RXFP2: variants seen among roughly 807,000 people sequenced by gnomAD.
RXFP2 encodes the protein relaxin receptor 2.
Under a neutral mutation model 88.6 loss-of-function variants are expected in RXFP2, and 68 were observed. That is an observed-to-expected ratio of 0.77 (90% CI 0.63 to 0.94). The LOEUF (loss-of-function observed/expected upper bound fraction) is 0.94. RXFP2 is among the 40% of genes least tolerant of loss of function. The pLI is 0.00. For synonymous variants in RXFP2, 329 were observed against 306.8 expected, an observed-to-expected ratio of 1.07 and a Z score of -0.76; for missense variants, 791 against 893.9, an observed-to-expected ratio of 0.88 and a Z score of 1.47.
intron 5 of RXFP2, among the ~76,000 whole-genome samples, chr13:31,768,683 G>A (rs879482131): frequency 1.4e-4 from 22 of 152,160 alleles, no homozygotes; most frequent in African/African-American, 4.6e-4. Flanking sequence ...AATAACTCAA[G>A]TTCTTTATAC....
intron 2 of RXFP2, among the ~76,000 whole-genome samples, chr13:31,759,030 A>T (rs1872118001): frequency 6.7e-6 from 1 of 150,352 alleles, no homozygotes; most frequent in Admixed American, 6.6e-5. Context: ...CTGGGTAACA[A>T]GAGCAAAACT....
chr13:31,771,567 G>A (rs1872735638), intron 5 of RXFP2, among the ~76,000 whole-genome samples: 1 of 152,104 alleles, frequency 6.6e-6, no homozygotes, highest in Non-Finnish European at 1.5e-5. Context: ...GAGGCAGGTG[G>A]ATCTGTTGAG....
chr13:31,795,167 T>TG (rs1289655058), intron 16 of RXFP2, among the ~76,000 whole-genome samples: 1 of 151,858 alleles, frequency 6.6e-6, no homozygotes, highest in African/African-American at 2.4e-5. Context: ...TTTTTTTTTT[T>TG]GAGACAGAGT....
chr13:31,772,618 A>C (rs1326992862), intron 5 of RXFP2, among the ~76,000 whole-genome samples: 1 of 152,216 alleles, frequency 6.6e-6, no homozygotes, highest in African/African-American at 2.4e-5. Context: ...CAGAGACTAG[A>C]GGATGGAGTT....
In RXFP2 at chr13:31,793,093, A is replaced by T; in HGVS notation, c.1786+5A>T. The T allele has an allele frequency of 6.2e-7, 1 of 1,603,890 alleles. No homozygotes were observed. Among genetic ancestry groups the T allele is most frequent in the Non-Finnish European group, 8.5e-7 (1 of 1,172,092 alleles). ...ATTCTCTTGGAATTTTCCTAGGTAA[A>T]TTATATTTTTTCATTTCCTGGAAAA... On this transcript the variant is annotated splice_donor_5th_base_variant and intron_variant, in intron 16 of 17. Transcript: ENST00000298386.
At chr13:31,786,327 T>C in intron 11 of RXFP2, 56 bp from the exon 12 acceptor site, 2 of 1,174,344 alleles carry the variant, frequency 1.7e-6, no homozygotes, top group Non-Finnish European at 2.6e-6. Context: ...TGAGGAGTAA[T>C]AAGTCTGTCA....
rs1566218376 is a variant in RXFP2 at position 31,759,397 on chromosome 13, G to GAAAGAAAGAAAGAA, written c.241+995_241+1008dup. 4.1e-5 allele frequency among the ~76,000 whole-genome samples: 6 copies of GAAAGAAAGAAAGAA among 145,934 alleles called. No homozygotes were observed. The South Asian group carries it at 7.1e-4, about 17-fold the overall frequency. On this transcript the variant is annotated intron_variant, in intron 2 of 17. Coordinates refer to ENST00000298386, the MANE Select transcript of RXFP2 (RefSeq NM_130806.5). Reference sequence around the variant, plus strand: ...ATTGAGAAAGAAAGAAAGAAAGAAAGAAAGAAAGAAAGAAAGAAAGAAAGA... The same window carrying GAAAGAAAGAAAGAA: ...ATTGAGAAAGAAAGAAAGAAAGAAAGAAAGAAAGAAAGAAAAAGAAAGAAAGAAAGAAAGAAAGA...
chr13:31,773,490 G>A (rs1032042891), intron 5 of RXFP2, among the ~76,000 whole-genome samples: 1 of 151,078 alleles, frequency 6.6e-6, no homozygotes, highest in African/African-American at 2.4e-5. Flanking sequence ...AGTTAAATAA[G>A]TGTACTTTAC....
intron 14 of RXFP2, among the ~76,000 whole-genome samples, chr13:31,791,521 T>C (rs1205857166): frequency 1.3e-5 from 2 of 152,156 alleles, no homozygotes; most frequent in African/African-American, 2.4e-5. Context: ...AATAAACCAA[T>C]GTGACCAGGG....
intron 1 of RXFP2, among the ~76,000 whole-genome samples, chr13:31,744,026 C>A (rs1033048767): frequency 6.6e-6 from 1 of 152,196 alleles, no homozygotes; most frequent in Non-Finnish European, 1.5e-5. Flanking sequence ...GCTCCCTCCC[C>A]AGGGGCTTCC....
At chr13:31,780,247 C>T (rs555029322) in intron 9 of RXFP2, among the ~76,000 whole-genome samples, 11 of 152,146 alleles carry the variant, frequency 7.2e-5, no homozygotes, top group Non-Finnish European at 1.6e-4. Context: ...CCTTTCAACA[C>T]AGAGGGTAGG....
chr13:31,761,776 C>G lies in RXFP2; in HGVS notation c.294C>G (p.Asn98Lys), dbSNP rs531281283. 1.2e-6 allele frequency: 2 copies of G among 1,612,782 alleles called. No individual in the cohort carries two copies. The highest frequency in any genetic ancestry group is 1.7e-4 in the Middle Eastern group (1 of 6,054). ...TTGGCACAGTGCATGGAAATGCTAACAGCGTGGCCTTAACACAGGAGTGCT... is the reference window on the plus strand; with the variant it reads ...TTGGCACAGTGCATGGAAATGCTAAGAGCGTGGCCTTAACACAGGAGTGCT... Reference protein sequence around the residue: ...TIFGTVHGNANSVALTQECFL... With the variant: ...TIFGTVHGNAKSVALTQECFL... The change falls in exon 3 of 18, where the codon AAC becomes AAG. Residue 98 changes from asparagine (N) to lysine (K), a missense_variant. By Grantham distance (94) the Asn-to-Lys change is moderately conservative. Coordinates refer to ENST00000298386, the MANE Select transcript of RXFP2 (RefSeq NM_130806.5).
chr13:31,749,865 G>T (rs1871588418), intron 1 of RXFP2, among the ~76,000 whole-genome samples: 1 of 152,026 alleles, frequency 6.6e-6, no homozygotes, highest in Admixed American at 6.5e-5. Flanking sequence ...TACTCTCCTT[G>T]TTTAACTCCA....
chr13:31,789,808 T>G (rs149039688), intron 14 of RXFP2, among the ~76,000 whole-genome samples: 4 of 152,222 alleles, frequency 2.6e-5, no homozygotes. Flanking sequence ...CAATGTAAGA[T>G]TACAAGTTGG....
At chr13:31,759,455 A>C (rs1018682433) in intron 2 of RXFP2, among the ~76,000 whole-genome samples, 3 of 149,820 alleles carry the variant, frequency 2.0e-5, no homozygotes, top group Non-Finnish European at 4.5e-5. Flanking sequence ...GATACTGTGA[A>C]ATATTCTGGA....
At chr13:31,766,443 G>A (rs952836210) in intron 5 of RXFP2, among the ~76,000 whole-genome samples, 5 of 152,100 alleles carry the variant, frequency 3.3e-5, no homozygotes, top group African/African-American at 7.2e-5. Flanking sequence ...AGGGTGTTAG[G>A]AGTGAAAACA....
chr13:31,751,219 G>T (rs767139375), intron 1 of RXFP2, among the ~76,000 whole-genome samples: 1 of 152,146 alleles, frequency 6.6e-6, no homozygotes, highest in Non-Finnish European at 1.5e-5. Flanking sequence ...TTGAACCCTG[G>T]AGGCGGAGGT....
rs1871154169 is a variant in RXFP2 at position 31,739,796 on chromosome 13, G to T, written c.94+90G>T. 7.1e-6 allele frequency: 6 copies of T among 848,810 alleles called. No homozygotes were observed. The South Asian group carries it at 8.4e-5, about 12-fold the overall frequency. 52.6% of individuals were successfully genotyped at this position (848,810 alleles called of 1,614,324 possible). On this transcript the variant is annotated intron_variant, in intron 1 of 17. Transcript: ENST00000298386. ...CTATGGCAGTTGTAATAAATATATT[G>T]GGGTGTTTAAAAAAAAAACAGACAT...
intron 1 of RXFP2, 59 bp downstream of exon 1, chr13:31,739,765 G>A: frequency 9.6e-7 from 1 of 1,043,910 alleles, no homozygotes; most frequent in South Asian, 1.3e-5. Flanking sequence ...ACATTTCTAT[G>A]TAGTTCTATG....
Sources: allele counts gnomAD v4.1 joint callset (sites outside exome capture counted in the v4.1 genomes callset), GRCh38; gene constraint gnomAD v4.1.1; transcripts MANE v1.5; gene names NCBI Gene and HGNC (gene_info 2026-07-23, HGNC 2026-07-21).